Variants in KLHL29 observed in about 807,000 individuals in gnomAD.
KLHL29 encodes kelch like family member 29, also known as kelch-like protein 29.
KLHL29 carries 21 observed loss-of-function variants against 80.4 expected under a neutral mutation model. The observed-to-expected ratio is 0.26, with a 90% confidence interval of 0.19 to 0.38. KLHL29 has a LOEUF of 0.38. Among genes scored for constraint, KLHL29 ranks in the 10% least tolerant of loss-of-function variants. KLHL29 has a pLI of 1.00. For synonymous variants in KLHL29, 511 were observed against 526.8 expected, an observed-to-expected ratio of 0.97 and a Z score of 0.41; for missense variants, 867 against 1,223.9, an observed-to-expected ratio of 0.71 and a Z score of 4.35.
intron 3 of KLHL29, among the ~76,000 whole-genome samples, chr2:23,588,919 G>A (rs567762389): frequency 5.3e-5 from 8 of 152,178 alleles, no homozygotes; most frequent in East Asian, 1.9e-4. Flanking sequence ...GACACCAGCC[G>A]TACCCAAAGA....
chr2:23,404,864 A>G (rs981191964), intron 1 of KLHL29, among the ~76,000 whole-genome samples: 2 of 152,206 alleles, frequency 1.3e-5, no homozygotes, highest in African/African-American at 4.8e-5. Flanking sequence ...ATGCTAGTAT[A>G]TTGTCGACCC....
At chr2:23,532,330 C>T (rs1040880130) in intron 2 of KLHL29, among the ~76,000 whole-genome samples, 3 of 152,254 alleles carry the variant, frequency 2.0e-5, no homozygotes, top group Admixed American at 6.5e-5. Context: ...TCCTGCAGTA[C>T]ATAGACAACA....
chr2:23,551,405 A>G (rs1667121992), intron 2 of KLHL29, among the ~76,000 whole-genome samples: 1 of 152,164 alleles, frequency 6.6e-6, no homozygotes, highest in Non-Finnish European at 1.5e-5. Flanking sequence ...AAAGGTGCAC[A>G]TGGGAAGGGA....
intron 5 of KLHL29, among the ~76,000 whole-genome samples, chr2:23,670,032 C>A (rs922945881): frequency 6.6e-6 from 1 of 152,078 alleles, no homozygotes; most frequent in African/African-American, 2.4e-5. Context: ...AGCCAGAAGG[C>A]CCCAGAGCAT....
At chr2:23,386,624 G>T (rs561611386) in intron 1 of KLHL29, among the ~76,000 whole-genome samples, 8 of 152,230 alleles carry the variant, frequency 5.3e-5, no homozygotes, top group Admixed American at 5.2e-4. Flanking sequence ...ATGGCCTCGG[G>T]GGGCCGGGGG....
chr2:23,469,084 A>C (rs1025825674), intron 1 of KLHL29, among the ~76,000 whole-genome samples: 3 of 152,286 alleles, frequency 2.0e-5, no homozygotes, highest in South Asian at 2.1e-4. Flanking sequence ...ACAAGACTCC[A>C]GTCAAGTCTT....
At chr2:23,465,257 T>C (rs548377043) in intron 1 of KLHL29, among the ~76,000 whole-genome samples, 2 of 152,292 alleles carry the variant, frequency 1.3e-5, no homozygotes, top group Admixed American at 6.5e-5. Flanking sequence ...GTTTGGGTGC[T>C]GATGGGAGCC....
At chr2:23,389,800 G>T (rs1666273986) in intron 1 of KLHL29, among the ~76,000 whole-genome samples, 1 of 152,196 alleles carries the variant, frequency 6.6e-6, no homozygotes, top group South Asian at 2.1e-4. Flanking sequence ...CAAATGTTTG[G>T]AAGCTGGTAG....
At chr2:23,692,438 G>A (rs1412741660) in intron 7 of KLHL29, among the ~76,000 whole-genome samples, 2 of 152,228 alleles carry the variant, frequency 1.3e-5, no homozygotes, top group South Asian at 2.1e-4. Flanking sequence ...CATGGGCGAC[G>A]GCAAGGTGAG....
chr2:23,539,432 C>T (rs1709336), intron 2 of KLHL29, among the ~76,000 whole-genome samples: 9,725 of 25,728 alleles, frequency 0.38, 2,227 homozygotes, highest in East Asian at 0.64. Flanking sequence ...ATCCTGCCTC[C>T]TTTTTTTTTT....
At chr2:23,662,927 C>G (rs1314755129) in intron 5 of KLHL29, among the ~76,000 whole-genome samples, 10 of 152,232 alleles carry the variant, frequency 6.6e-5, no homozygotes, top group African/African-American at 2.2e-4. Flanking sequence ...GGATTCAAAT[C>G]TCCACTCTGC....
At chr2:23,429,375 A>G (rs1403670587) in intron 1 of KLHL29, among the ~76,000 whole-genome samples, 1 of 152,190 alleles carries the variant, frequency 6.6e-6, no homozygotes, top group Non-Finnish European at 1.5e-5. Flanking sequence ...GCCCTGAGGG[A>G]CAGAGCTTTG....
intron 3 of KLHL29, among the ~76,000 whole-genome samples, chr2:23,627,224 A>G (rs922074191): frequency 1.3e-5 from 2 of 152,186 alleles, no homozygotes; most frequent in Admixed American, 1.3e-4. Flanking sequence ...AAGGCTGAAG[A>G]GCTGAGCTGC....
intron 3 of KLHL29, among the ~76,000 whole-genome samples, chr2:23,573,262 C>T (rs1039231898): frequency 6.6e-6 from 1 of 152,218 alleles, no homozygotes; most frequent in African/African-American, 2.4e-5. Flanking sequence ...TAATTCTCTG[C>T]AGCTTTTTGC....
chr2:23,404,098 A>G (rs1666667298), intron 1 of KLHL29, among the ~76,000 whole-genome samples: 1 of 152,208 alleles, frequency 6.6e-6, no homozygotes, highest in Admixed American at 6.5e-5. Context: ...ATTTAAAATG[A>G]GGAAGAAACT....
intron 2 of KLHL29, among the ~76,000 whole-genome samples, chr2:23,508,314 T>G (rs1249833038): frequency 1.3e-5 from 2 of 152,230 alleles, no homozygotes; most frequent in Non-Finnish European, 2.9e-5. Flanking sequence ...CTGGGAACAC[T>G]CACAGGTTGG....
intron 2 of KLHL29, among the ~76,000 whole-genome samples, chr2:23,480,474 C>G (rs13407541): frequency 7.0e-6 from 1 of 143,372 alleles, no homozygotes; most frequent in Admixed American, 7.1e-5. Context: ...TAGGTGACAG[C>G]GGAAGATTCT....
chr2:23,439,966 C>A (rs941657902), intron 1 of KLHL29, among the ~76,000 whole-genome samples: 1 of 150,888 alleles, frequency 6.6e-6, no homozygotes, highest in Admixed American at 6.6e-5. Flanking sequence ...GTAGGTCACT[C>A]AGGACTTGCT....
At chr2:23,659,213 G>A (rs1005710656) in intron 5 of KLHL29, among the ~76,000 whole-genome samples, 4 of 152,228 alleles carry the variant, frequency 2.6e-5, no homozygotes, top group Admixed American at 6.5e-5. Context: ...CTGGAGTTGT[G>A]CAGTGTGCAA....
Sources: allele counts gnomAD v4.1 joint callset (sites outside exome capture counted in the v4.1 genomes callset), GRCh38; gene constraint gnomAD v4.1.1; transcripts MANE v1.5; gene names NCBI Gene and HGNC (gene_info 2026-07-23, HGNC 2026-07-21).